Variants in EIF2AK4 observed in about 807,000 individuals in gnomAD.
The protein encoded by EIF2AK4 is eIF-2-alpha kinase GCN2.
EIF2AK4 carries 139 observed loss-of-function variants against 211.1 expected under a neutral mutation model. The ratio of observed to expected loss-of-function variants is 0.66; its 90% confidence interval spans 0.57 to 0.76. The LOEUF (loss-of-function observed/expected upper bound fraction) is 0.76. EIF2AK4 is among the 30% of genes least tolerant of loss of function. The probability of loss-of-function intolerance (pLI) is 0.00; values close to 1 mark genes in which losing one functional copy is unlikely to be tolerated. For missense variants in EIF2AK4, 1,664 were observed against 2,043.8 expected (o/e 0.81, Z 3.58); for synonymous variants, 710 against 751.3 (o/e 0.94, Z 0.90).
intron 16 of EIF2AK4, among the ~76,000 whole-genome samples, chr15:39,990,786 A>C (rs1384486552): frequency 6.6e-6 from 1 of 152,252 alleles, no homozygotes; most frequent in Non-Finnish European, 1.5e-5. Context: ...GAAAGGCTGG[A>C]TAACGACAGT....
At chr15:39,960,001 A>C (rs923171542) in intron 6 of EIF2AK4, among the ~76,000 whole-genome samples, 4 of 152,044 alleles carry the variant, frequency 2.6e-5, no homozygotes, top group Non-Finnish European at 5.9e-5. Context: ...GTCTCTACTA[A>C]AAATACAAAA....
intron 11 of EIF2AK4, 42 bp downstream of exon 11, chr15:39,973,791 C>G: frequency 6.2e-7 from 1 of 1,603,168 alleles, no homozygotes; most frequent in Non-Finnish European, 8.5e-7. Context: ...AGAGCTCCTT[C>G]TCTGTTCCAT....
intron 27 of EIF2AK4, 142 bp downstream of exon 27, chr15:40,011,488 G>C: frequency 3.1e-6 from 2 of 636,724 alleles, no homozygotes; most frequent in South Asian, 3.9e-5. Flanking sequence ...TGAGTGTTAG[G>C]TACCATGGCA....
intron 32 of EIF2AK4, among the ~76,000 whole-genome samples, chr15:40,023,769 A>G (rs1481864585): frequency 5.9e-5 from 9 of 151,998 alleles, no homozygotes; most frequent in African/African-American, 1.7e-4. Context: ...TGTGTTTTCT[A>G]TTTTATTCAT....
intron 11 of EIF2AK4, chr15:39,974,540 A>G (rs564252727): frequency 2.6e-5 from 4 of 152,320 alleles, no homozygotes; most frequent in South Asian, 2.1e-4. Context: ...TTCCTGTGGT[A>G]AAAGACAGAC....
intron 27 of EIF2AK4, among the ~76,000 whole-genome samples, chr15:40,015,525 T>C (rs2035292594): frequency 6.6e-6 from 1 of 152,170 alleles, no homozygotes; most frequent in Non-Finnish European, 1.5e-5. Context: ...CCCGCCCACA[T>C]GATTCAGTTA....
intron 4 of EIF2AK4, chr15:39,951,797 A>G: frequency 6.0e-6 from 1 of 167,284 alleles, no homozygotes; most frequent in Admixed American, 6.3e-5. Context: ...TCTCCTTTGT[A>G]TTATACAAGC....
chr15:40,006,042 C>G (rs1009251439), intron 23 of EIF2AK4, among the ~76,000 whole-genome samples: 1 of 151,862 alleles, frequency 6.6e-6, no homozygotes, highest in Middle Eastern at 3.2e-3. Flanking sequence ...TCTGAATGAC[C>G]GTGCACATCA....
chr15:40,029,396 T>A lies in EIF2AK4; in HGVS notation c.4503-10T>A. 1.2e-6 allele frequency: 2 copies of A among 1,612,518 alleles called. No individual in the cohort carries two copies. Among genetic ancestry groups the A allele is most frequent in the Non-Finnish European group, 8.5e-7 (1 of 1,179,782 alleles). On this transcript the variant is annotated splice_polypyrimidine_tract_variant and intron_variant, in intron 33 of 38. Transcript: ENST00000263791. The stretch of plus-strand genomic sequence containing the variant: ...CTGTTCTTTAATTGTTTTTGTTTGC[T>A]TGTTTTTAGAGAAGCTTCCGATAAT...
chr15:39,972,931 A>G lies in EIF2AK4; in HGVS notation c.1577A>G (p.Glu526Gly). The G allele has an allele frequency of 6.2e-7, 1 of 1,613,922 alleles. No individual in the cohort carries two copies. The highest frequency in any genetic ancestry group is 8.5e-7 in the Non-Finnish European group (1 of 1,179,976). The change falls in exon 10 of 39, where the codon GAA becomes GGA. Residue 526 changes from glutamate (E) to glycine (G), a missense_variant. By Grantham distance (98) the Glu-to-Gly change is moderately conservative. This residue lies in a region of EIF2AK4 where 641 missense variants were observed against 729.6 expected (regional missense o/e 0.88). Transcript: ENST00000263791. ...LKKCVCLDDK[E>G]RWSPQQLLKH... ...AGATGTGTGTGCTTGGATGACAAGG[A>G]AAGATGGAGTCCCCAGCAGTTGTTG...
At chr15:40,004,000 T>A (rs1352533364) in intron 23 of EIF2AK4, among the ~76,000 whole-genome samples, 1 of 152,230 alleles carries the variant, frequency 6.6e-6, no homozygotes, top group Non-Finnish European at 1.5e-5. Flanking sequence ...TGTGCATGGC[T>A]GATAAACTTC....
chr15:39,959,496 C>T (rs1414380487), intron 6 of EIF2AK4, among the ~76,000 whole-genome samples: 1 of 152,190 alleles, frequency 6.6e-6, no homozygotes, highest in East Asian at 1.9e-4. Context: ...TCACTTTTAT[C>T]TCTACTTTTC....
rs1476598559 is a variant in EIF2AK4, at chr15:39,990,286, G to A, written c.2540G>A (p.Arg847Gln). 1.3e-5 allele frequency: 21 copies of A among 1,613,968 alleles called. No individual in the cohort carries two copies. Among genetic ancestry groups the A allele is most frequent in the Admixed American group, 1.7e-5 (1 of 59,998 alleles). The change falls in exon 16 of 39, where the codon CGG (arginine) becomes CAG (glutamine). Residue 847 changes from arginine to glutamine, a missense_variant. Arg to Gln is a conservative substitution (Grantham distance 43). Coordinates refer to ENST00000263791, the MANE Select transcript of EIF2AK4 (RefSeq NM_001013703.4). ...CTCTTTCAACAGGGAATGATTCACC[G>A]GGATTTGAAGCCTGTCAACATTTTT... is the stretch of plus-strand genomic sequence containing the variant. ...AYIHEKGMIH[R>Q]DLKPVNIFLD...
At chr15:40,027,035 ATTAAAACATAAACATT>A (rs1323656441) in intron 33 of EIF2AK4, among the ~76,000 whole-genome samples, 1 of 152,268 alleles carries the variant, frequency 6.6e-6, no homozygotes, top group African/African-American at 2.4e-5. Flanking sequence ...ATCTATAAAT[ATTAAAACATAAACATT>A]TTAAATATGT....
At chr15:40,005,612 C>T (rs1207866295) in intron 23 of EIF2AK4, among the ~76,000 whole-genome samples, 1 of 151,010 alleles carries the variant, frequency 6.6e-6, no homozygotes, top group African/African-American at 2.4e-5. Flanking sequence ...CACTCTGTCT[C>T]TCAGGCTGGA....
intron 25 of EIF2AK4, among the ~76,000 whole-genome samples, chr15:40,008,912 C>T (rs1312491689): frequency 6.6e-6 from 1 of 152,136 alleles, no homozygotes; most frequent in Non-Finnish European, 1.5e-5. Flanking sequence ...GCTCACCACT[C>T]GGTGAATACT....
At chr15:39,934,457 C>T in intron 1 of EIF2AK4, 118 bp downstream of exon 1, 1 of 1,363,498 alleles carries the variant, frequency 7.3e-7, no homozygotes, top group Admixed American at 2.8e-5. Flanking sequence ...TCTTTTCATC[C>T]CTTAGGTTCC....
At chr15:39,994,332 G>T (rs2034990509) in intron 18 of EIF2AK4, among the ~76,000 whole-genome samples, 1 of 152,192 alleles carries the variant, frequency 6.6e-6, no homozygotes, top group African/African-American at 2.4e-5. Flanking sequence ...TAGGTGCCAG[G>T]CATGGTGGTT....
chr15:39,977,870 T>C, intron 12 of EIF2AK4: 1 of 355,850 alleles, frequency 2.8e-6, no homozygotes, highest in Admixed American at 4.6e-5. Flanking sequence ...TGAGGAAACT[T>C]AATCTGGCTA....
Sources: allele counts gnomAD v4.1 joint callset (sites outside exome capture counted in the v4.1 genomes callset), GRCh38; gene constraint gnomAD v4.1.1; regional missense constraint gnomAD v4.1.1; transcripts MANE v1.5; gene names NCBI Gene and HGNC (gene_info 2026-07-23, HGNC 2026-07-21).